RAB11FIP4: variants seen among roughly 807,000 people sequenced by gnomAD.
RAB11FIP4 encodes RAB11 family interacting protein 4.
A neutral mutation model predicts 74.3 loss-of-function variants in RAB11FIP4; 23 were observed. The observed-to-expected ratio is 0.31, with a 90% CI of 0.22 to 0.44. RAB11FIP4 has a LOEUF of 0.44. Ranked by LOEUF, RAB11FIP4 falls within the 20% of genes least tolerant of loss-of-function variation. The pLI is 1.00. For synonymous variants in RAB11FIP4, 360 were observed against 359.9 expected (o/e 1.00, Z 0.00); for missense variants, 630 against 863.9 (o/e 0.73, Z 3.39).
rs142110971 is a variant in RAB11FIP4, at chr17:31,434,075, G to A, written c.289G>A (p.Ala97Thr). The A allele has an allele frequency of 2.1e-4, 330 of 1,586,978 alleles. No homozygotes were observed. The highest frequency in any genetic ancestry group is 2.6e-4 in the Non-Finnish European group (308 of 1,174,528). Residue 97 changes from alanine (A) to threonine (T), a missense_variant, in exon 3 of 15, where the codon GCG becomes ACG. Transcript: ENST00000621161. ...GAAGGATGTGCTGTCGGTGGAGAGC[G>A]CGGGGACGCTGCCGTGCGCGCCAGA... Reference protein sequence around the residue: ...LLKDVLSVESAGTLPCAPEIP... With the variant: ...LLKDVLSVESTGTLPCAPEIP...
rs1347667927 is a variant in RAB11FIP4 at position 31,391,713 on chromosome 17, C to G, written c.-140C>G. The G allele has an allele frequency of 1.8e-6, 1 of 540,692 alleles. No individual in the cohort carries two copies. The highest frequency in any genetic ancestry group is 2.3e-6 in the Non-Finnish European group (1 of 425,618). The allele number at this position is 540,692 out of a possible 1,614,324, so 33.5% of individuals were successfully genotyped here. On this transcript the variant is annotated 5_prime_UTR_variant, in exon 1 of 15. In the 5' UTR this introduces an upstream ATG that the reference lacks. Transcript: ENST00000621161. ...CTGCGGCGCCGCTGCTGACACGGAT[C>G]GGCCGCGGCCGCCACCGGGCGGAGG...
intron 3 of RAB11FIP4, among the ~76,000 whole-genome samples, chr17:31,442,687 C>T (rs1018497631): frequency 6.6e-6 from 1 of 152,124 alleles, no homozygotes; most frequent in Non-Finnish European, 1.5e-5. Context: ...AGGCTGGGCG[C>T]GGTGGCTCAT....
intron 1 of RAB11FIP4, among the ~76,000 whole-genome samples, chr17:31,411,234 G>C (rs963927170): frequency 1.3e-5 from 2 of 152,140 alleles, no homozygotes; most frequent in Admixed American, 6.6e-5. Context: ...CGTGATGGCG[G>C]GCGCCTGTAG....
rs75393170 is a variant in RAB11FIP4, at chr17:31,466,774, A to C, written c.336+32652A>C. The stretch of plus-strand genomic sequence containing the variant: ...GTAGCCAGGAAGGCAGAGTCTATGG[A>C]AACCAGGTGGCCATACAGAGCAAAG... On this transcript the variant is annotated intron_variant, in intron 3 of 14. Coordinates refer to ENST00000621161, the MANE Select transcript of RAB11FIP4 (RefSeq NM_032932.6). Among the ~76,000 whole-genome samples, 535 of 152,310 alleles carry C rather than the reference A, an allele frequency of 3.5e-3. 4 individuals carry two copies. Among genetic ancestry groups the C allele is most frequent in the African/African-American group, 0.012 (503 of 41,566 alleles).
At position 31,521,930 on chromosome 17, in the gene RAB11FIP4, T is replaced by C; in HGVS notation, c.774T>C (p.Pro258=). ...SSVSSSAGQT[P]RKMRHVYNSE... ...CATGAATCAGTGCGGGGCAGACGCC[T>C]AGGAAAATGCGGCACGTGTACAACA... The change falls in exon 6 of 15, where the codon CCT becomes CCC. Residue 258 remains proline, a synonymous_variant. Transcript: ENST00000621161. 6.2e-7 allele frequency: 1 copy of C among 1,614,150 alleles called. No homozygotes were observed. The highest frequency in any genetic ancestry group is 1.1e-5 in the South Asian group (1 of 91,076).
intron 10 of RAB11FIP4, chr17:31,525,540 G>A: frequency 2.7e-6 from 1 of 373,064 alleles, no homozygotes. Context: ...CCTGCTGTCA[G>A]GTTCTCCCCT....
chr17:31,518,065 G>A (rs1392379778), intron 4 of RAB11FIP4, among the ~76,000 whole-genome samples, 188 bp downstream of exon 4: 1 of 152,072 alleles, frequency 6.6e-6, no homozygotes, highest in Non-Finnish European at 1.5e-5. Context: ...GGATAGTTTT[G>A]GAATTTTAGG....
chr17:31,449,606 G>A (rs1304281938), intron 3 of RAB11FIP4, among the ~76,000 whole-genome samples: 14 of 152,144 alleles, frequency 9.2e-5, no homozygotes, highest in Non-Finnish European at 7.4e-5. Context: ...CAGTGGTGCA[G>A]TCCTGACTCA....
intron 1 of RAB11FIP4, among the ~76,000 whole-genome samples, chr17:31,404,972 T>C (rs1414667526): frequency 1.3e-5 from 2 of 152,120 alleles, no homozygotes; most frequent in Non-Finnish European, 2.9e-5. Context: ...GTGGAGGGGC[T>C]GACCAGGCAG....
At chr17:31,506,818 C>T (rs1315296901) in intron 3 of RAB11FIP4, among the ~76,000 whole-genome samples, 1 of 152,184 alleles carries the variant, frequency 6.6e-6, no homozygotes, top group Non-Finnish European at 1.5e-5. Context: ...CATATTTTGG[C>T]TATTGTGAAT....
At chr17:31,457,325 C>G (rs117415743) in intron 3 of RAB11FIP4, among the ~76,000 whole-genome samples, 1 of 152,018 alleles carries the variant, frequency 6.6e-6, no homozygotes, top group Admixed American at 6.6e-5. Flanking sequence ...TGACTGAGGG[C>G]CTTTCCAGAG....
In RAB11FIP4 at chr17:31,531,758, C is replaced by CTT; in HGVS notation, c.*27_*28dup. ...GGCACGGGGCTGGCTGCAGAGCAGC[C>CTT]TTAGGACCCTGGGACCAAGGGCAGA... On this transcript the variant is annotated 3_prime_UTR_variant, in exon 15 of 15. Transcript: ENST00000621161. The CTT allele has an allele frequency of 6.6e-7, 1 of 1,519,178 alleles. No individual in the cohort carries two copies. Among genetic ancestry groups the CTT allele is most frequent in the Non-Finnish European group, 9.1e-7 (1 of 1,094,304 alleles). 94.1% of individuals were successfully genotyped at this position (1,519,178 alleles called of 1,614,324 possible).
intron 3 of RAB11FIP4, among the ~76,000 whole-genome samples, chr17:31,464,024 G>T (rs1597931686): frequency 6.6e-6 from 1 of 151,976 alleles, no homozygotes; most frequent in Admixed American, 6.6e-5. Flanking sequence ...ATGTTGGCCA[G>T]GCTGGTCTTG....
At chr17:31,502,753 G>A (rs1015350539) in intron 3 of RAB11FIP4, among the ~76,000 whole-genome samples, 1 of 152,118 alleles carries the variant, frequency 6.6e-6, no homozygotes, top group African/African-American at 2.4e-5. Flanking sequence ...TGCTACGGCT[G>A]TCATAGCAAA....
chr17:31,408,025 C>T (rs2071058471), intron 1 of RAB11FIP4, among the ~76,000 whole-genome samples: 2 of 151,964 alleles, frequency 1.3e-5, no homozygotes, highest in Non-Finnish European at 2.9e-5. Flanking sequence ...AAATTCTTTC[C>T]TTCCACCCCC....
intron 2 of RAB11FIP4, among the ~76,000 whole-genome samples, chr17:31,432,974 A>G (rs1047454560): frequency 2.0e-5 from 3 of 152,130 alleles, no homozygotes; most frequent in African/African-American, 7.2e-5. Flanking sequence ...GCGAAACCTC[A>G]TCTCTACAAA....
chr17:31,399,337 T>C (rs1039437366), intron 1 of RAB11FIP4, among the ~76,000 whole-genome samples: 2 of 152,204 alleles, frequency 1.3e-5, no homozygotes, highest in Admixed American at 6.5e-5. Flanking sequence ...AGTTATTGGG[T>C]AAATGCGCTG....
chr17:31,415,814 G>A (rs146466314), intron 1 of RAB11FIP4, among the ~76,000 whole-genome samples: 9 of 152,192 alleles, frequency 5.9e-5, no homozygotes, highest in East Asian at 1.9e-4. Flanking sequence ...GCCCCCCTGC[G>A]GACGGTCTCC....
At chr17:31,447,093 G>C (rs543005039) in intron 3 of RAB11FIP4, among the ~76,000 whole-genome samples, 1 of 152,188 alleles carries the variant, frequency 6.6e-6, no homozygotes, top group East Asian at 1.9e-4. Context: ...GACCATCCTG[G>C]CTAACACGGT....
Sources: gnomAD v4.1 joint callset for allele counts (sites outside exome capture counted in the v4.1 genomes callset) on GRCh38, gnomAD v4.1.1 for gene constraint, MANE v1.5 for transcripts, NCBI Gene and HGNC (gene_info 2026-07-23, HGNC 2026-07-21) for gene names.